Variants in DAB2 observed in about 807,000 individuals in gnomAD.
DAB2 encodes the protein disabled homolog 2.
A neutral mutation model predicts 71.6 loss-of-function variants in DAB2; 28 were observed. The observed-to-expected ratio is 0.39, with a 90% CI of 0.29 to 0.54. The LOEUF (loss-of-function observed/expected upper bound fraction) is 0.54, where lower values mean the gene tolerates loss of function less well. Among genes scored for constraint, DAB2 ranks in the 20% least tolerant of loss-of-function variants. The pLI, the probability that DAB2 is intolerant of heterozygous loss-of-function variation, is 0.68. For missense variants in DAB2, 867 were observed against 928.8 expected (o/e 0.93, Z 0.86); for synonymous variants, 345 against 339.7 (o/e 1.02, Z -0.17).
At chr5:39,386,743 C>T (rs1755106454) in intron 9 of DAB2, among the ~76,000 whole-genome samples, 1 of 152,114 alleles carries the variant, frequency 6.6e-6, no homozygotes, top group Admixed American at 6.6e-5. Flanking sequence ...CAGTGGAATT[C>T]CACTTCATAT....
chr5:39,412,077 T>C (rs1026680988), intron 1 of DAB2, among the ~76,000 whole-genome samples: 10 of 152,148 alleles, frequency 6.6e-5, no homozygotes, highest in Non-Finnish European at 1.5e-5. Context: ...TTTCCTACCC[T>C]AAATGCTATT....
intron 7 of DAB2, 44 bp downstream of exon 7, chr5:39,389,053 C>T (rs1339167711): frequency 2.5e-6 from 4 of 1,595,372 alleles, no homozygotes; most frequent in South Asian, 1.1e-5. Flanking sequence ...GGGGCTTACG[C>T]ATGTCACACA....
chr5:39,380,705 T>C (rs528485182), intron 11 of DAB2, among the ~76,000 whole-genome samples: 67 of 152,200 alleles, frequency 4.4e-4, no homozygotes, highest in Non-Finnish European at 7.9e-4. Flanking sequence ...GATCAGCGGC[T>C]CACACAAGCT....
At chr5:39,378,349 C>A (rs1301421110) in intron 11 of DAB2, among the ~76,000 whole-genome samples, 1 of 152,234 alleles carries the variant, frequency 6.6e-6, no homozygotes, top group Non-Finnish European at 1.5e-5. Flanking sequence ...CTAAATTCAG[C>A]CTCATATCTA....
intron 1 of DAB2, among the ~76,000 whole-genome samples, chr5:39,424,097 A>G (rs1756047856): frequency 6.6e-6 from 1 of 152,156 alleles, no homozygotes; most frequent in South Asian, 2.1e-4. Context: ...CTATGCTATG[A>G]AAACCGCTAT....
At chr5:39,391,981 A>AAT (rs1491544971) in intron 4 of DAB2, among the ~76,000 whole-genome samples, 17 of 144,464 alleles carry the variant, frequency 1.2e-4, no homozygotes, top group South Asian at 2.1e-4. Flanking sequence ...AAAAAAAAAA[A>AAT]ATATATATAT....
In DAB2 at chr5:39,411,687, C is replaced by T. The variant is rs533839275; in HGVS notation, c.-102+13117G>A. On this transcript the variant is annotated intron_variant, in intron 1 of 14. Coordinates refer to ENST00000320816, the MANE Select transcript of DAB2 (RefSeq NM_001343.4). The stretch of plus-strand genomic sequence containing the variant: ...TGCAAAGACAAGTCTTCTTTGAAAG[C>T]CACTATTAAGTTCCTAATCCAATCT... 6.0e-4 allele frequency among the ~76,000 whole-genome samples: 92 copies of T among 152,270 alleles called. 1 individual carries two copies. Among genetic ancestry groups the T allele is most frequent in the African/African-American group, 2.2e-3 (90 of 41,548 alleles).
chr5:39,381,744 GAACAAC>G (rs554265531), intron 10 of DAB2, 128 bp from the exon 11 acceptor site: 2 of 884,732 alleles, frequency 2.3e-6, no homozygotes, highest in Admixed American at 2.7e-5. Flanking sequence ...CTTGACAGAT[GAACAAC>G]AACAACTACT....
At chr5:39,408,129 G>A (rs1755646960) in intron 1 of DAB2, among the ~76,000 whole-genome samples, 1 of 152,194 alleles carries the variant, frequency 6.6e-6, no homozygotes, top group East Asian at 1.9e-4. Flanking sequence ...AGGACACACT[G>A]TTTAAAGAGT....
chr5:39,391,479 C>T (rs1388819673), intron 4 of DAB2, among the ~76,000 whole-genome samples: 1 of 152,116 alleles, frequency 6.6e-6, no homozygotes, highest in Non-Finnish European at 1.5e-5. Flanking sequence ...GACCCCAGCA[C>T]TAGCAGGCTG....
intron 5 of DAB2, 96 bp downstream of exon 5, chr5:39,390,348 T>A: frequency 7.1e-7 from 1 of 1,413,188 alleles, no homozygotes; most frequent in Non-Finnish European, 9.6e-7. Context: ...CCCTCTTACA[T>A]CCAATTATTT....
At chr5:39,394,094 C>G in intron 2 of DAB2, 136 bp downstream of exon 2, 1 of 680,502 alleles carries the variant, frequency 1.5e-6, no homozygotes, top group South Asian at 1.9e-5. Context: ...TACAACTTTC[C>G]TATTAGGAGA....
rs1755166213 is a variant in DAB2 at position 39,389,139 on chromosome 5, C to T, written c.544-16G>A. ...CTTCCTCTATCTAAAAAGAAAGATA[C>T]ATATTCAGTGATCTTCATATTCATA... On this transcript the variant is annotated splice_polypyrimidine_tract_variant and intron_variant, in intron 6 of 14. Transcript: ENST00000320816. 1.2e-6 allele frequency: 2 copies of T among 1,604,126 alleles called. No homozygotes were observed. Among genetic ancestry groups the T allele is most frequent in the Admixed American group, 1.7e-5 (1 of 59,610 alleles).
intron 11 of DAB2, among the ~76,000 whole-genome samples, chr5:39,380,161 G>A (rs982629195): frequency 6.6e-6 from 1 of 152,170 alleles, no homozygotes; most frequent in South Asian, 2.1e-4. Flanking sequence ...GCAGAAAGGG[G>A]GAAGCCCCCA....
At chr5:39,409,556 A>C (rs2112096083) in intron 1 of DAB2, among the ~76,000 whole-genome samples, 1 of 152,326 alleles carries the variant, frequency 6.6e-6, no homozygotes, top group African/African-American at 2.4e-5. Flanking sequence ...TGTTTCATGA[A>C]TTCTTTATAT....
intron 1 of DAB2, among the ~76,000 whole-genome samples, chr5:39,405,488 T>G (rs1755590563): frequency 6.6e-6 from 1 of 152,228 alleles, no homozygotes; most frequent in East Asian, 1.9e-4. Flanking sequence ...TGCCTTACAT[T>G]GCTGGCACTG....
chr5:39,393,154 T>G (rs1204544352), intron 3 of DAB2, 100 bp downstream of exon 3: 1 of 1,256,116 alleles, frequency 8.0e-7, no homozygotes, highest in East Asian at 2.3e-5. Context: ...TAAAAGCAGT[T>G]TTCAAGTAAT....
intron 3 of DAB2, 149 bp from the exon 4 acceptor site, chr5:39,392,612 A>C (rs1008881711): frequency 1.6e-6 from 1 of 629,130 alleles, no homozygotes; most frequent in African/African-American, 1.8e-5. Context: ...CGGGACAGCA[A>C]GACGGCATAG....
chr5:39,382,601 T>C lies in DAB2; in HGVS notation c.1341+17A>G, dbSNP rs1755003855. 1.9e-6 allele frequency: 3 copies of C among 1,606,262 alleles called. No homozygotes were observed. Among genetic ancestry groups the C allele is most frequent in the Admixed American group, 1.7e-5 (1 of 59,828 alleles). On this transcript the variant is annotated intron_variant, in intron 10 of 14. Coordinates refer to ENST00000320816, the MANE Select transcript of DAB2 (RefSeq NM_001343.4). ...AACATGCACTCTGCTAATGGATATGTGGAGAAGACAATTCACCTTAGCAGT... is the reference window on the plus strand; with the variant it reads ...AACATGCACTCTGCTAATGGATATGCGGAGAAGACAATTCACCTTAGCAGT...
Sources: allele counts gnomAD v4.1 joint callset (sites outside exome capture counted in the v4.1 genomes callset), GRCh38; gene constraint gnomAD v4.1.1; transcripts MANE v1.5; gene names NCBI Gene and HGNC (gene_info 2026-07-23, HGNC 2026-07-21).